The following SORCS1 variants were observed in gnomAD, a reference collection of about 807,000 sequenced individuals.
SORCS1 encodes VPS10 domain-containing receptor SorCS1.
SORCS1 carries 60 observed loss-of-function variants against 146.1 expected under a neutral mutation model. The ratio of observed to expected loss-of-function variants is 0.41; its 90% CI spans 0.33 to 0.51. SORCS1 has a LOEUF of 0.51. SORCS1 is among the 20% of genes least tolerant of loss of function. The pLI is 0.21. For synonymous variants in SORCS1, 637 were observed against 584.0 expected (o/e 1.09, Z -1.31); for missense variants, 1,352 against 1,487.6 (o/e 0.91, Z 1.50).
At chr10:106,951,134 T>C (rs1353160507) in intron 2 of SORCS1, among the ~76,000 whole-genome samples, 3 of 152,166 alleles carry the variant, frequency 2.0e-5, no homozygotes. Context: ...CAATAACTTA[T>C]TCAATACAAT....
chr10:106,992,379 A>G (rs2139497141), intron 1 of SORCS1, among the ~76,000 whole-genome samples: 1 of 152,324 alleles, frequency 6.6e-6, no homozygotes, highest in East Asian at 1.9e-4. Context: ...ACAGAGTAAA[A>G]AAATACCATA....
intron 2 of SORCS1, among the ~76,000 whole-genome samples, chr10:106,893,390 A>AT (rs1189627547): frequency 1.1e-4 from 16 of 152,156 alleles, no homozygotes; most frequent in Non-Finnish European, 1.9e-4. Flanking sequence ...AACTATATTT[A>AT]TTTTTTATTC....
At chr10:106,701,627 T>G (rs574760097) in intron 8 of SORCS1, among the ~76,000 whole-genome samples, 40 of 152,322 alleles carry the variant, frequency 2.6e-4, no homozygotes, top group African/African-American at 9.1e-4. Flanking sequence ...CTGTGACATT[T>G]TTTTGGTCCC....
rs1005485641 is a variant in SORCS1 at position 106,694,421 on chromosome 10, G to A, written c.1413+4793C>T. ...ACTTCACCACACCCAGCTAATTTCT[G>A]TATTTTTAGTAGAGATGGTTTCGCC... On this transcript the variant is annotated intron_variant, in intron 9 of 25. Transcript: ENST00000263054. Among the ~76,000 whole-genome samples the A allele has an allele frequency of 2.0e-4, 30 of 152,100 alleles. 1 individual carries two copies. In the East Asian group the frequency reaches 3.3e-3, roughly 17 times the overall value.
intron 1 of SORCS1, among the ~76,000 whole-genome samples, chr10:107,009,143 T>C (rs1254291135): frequency 6.6e-6 from 1 of 152,274 alleles, no homozygotes; most frequent in Non-Finnish European, 1.5e-5. Context: ...AGGGTCTGAA[T>C]TAGTTTTTCA....
intron 3 of SORCS1, among the ~76,000 whole-genome samples, chr10:106,793,027 G>T (rs1288050273): frequency 6.6e-6 from 1 of 152,008 alleles, no homozygotes; most frequent in Non-Finnish European, 1.5e-5. Flanking sequence ...CCAAGTGACA[G>T]TCCCTGTGCT....
At chr10:107,163,257 T>C (rs1565124403) in intron 1 of SORCS1, among the ~76,000 whole-genome samples, 1 of 152,198 alleles carries the variant, frequency 6.6e-6, no homozygotes. Flanking sequence ...CAGGGAGTTG[T>C]TGTCACTGGG....
rs549758302 is a variant in SORCS1 at position 106,577,561 on chromosome 10, A to C, written c.3372-6T>G. ...GGGAGGGTAAAGCTACTCTCCTAAG[A>C]GAAAACGTGTAACACTTACTCATTT... On this transcript the variant is annotated splice_region_variant and splice_polypyrimidine_tract_variant and intron_variant, in intron 25 of 25. Coordinates refer to ENST00000263054, the MANE Select transcript of SORCS1 (RefSeq NM_052918.5). The C allele has an allele frequency of 1.2e-6, 2 of 1,610,604 alleles. No homozygotes were observed. Among genetic ancestry groups the C allele is most frequent in the South Asian group, 2.2e-5 (2 of 91,026 alleles).
intron 20 of SORCS1, among the ~76,000 whole-genome samples, chr10:106,618,873 A>G (rs1322149683): frequency 6.6e-6 from 1 of 152,156 alleles, no homozygotes; most frequent in Non-Finnish European, 1.5e-5. Flanking sequence ...TAGTGGTTTG[A>G]GGATTCAAAA....
At chr10:106,658,439 G>T (rs1056629400) in intron 17 of SORCS1, among the ~76,000 whole-genome samples, 1 of 152,042 alleles carries the variant, frequency 6.6e-6, no homozygotes, top group African/African-American at 2.4e-5. Flanking sequence ...ACCCCAGGGG[G>T]TGTTACTGTC....
intron 2 of SORCS1, among the ~76,000 whole-genome samples, chr10:106,852,125 A>C (rs900941055): frequency 6.6e-6 from 1 of 152,166 alleles, no homozygotes. Context: ...CTGTCTCTGC[A>C]ACAAAGATAG....
intron 1 of SORCS1, among the ~76,000 whole-genome samples, chr10:107,144,352 G>C (rs1968114795): frequency 6.6e-6 from 1 of 152,196 alleles, no homozygotes; most frequent in African/African-American, 2.4e-5. Context: ...ACATGATAGG[G>C]TTAATAATAC....
chr10:107,110,766 T>C (rs914258442), intron 1 of SORCS1, among the ~76,000 whole-genome samples: 1 of 152,126 alleles, frequency 6.6e-6, no homozygotes, highest in African/African-American at 2.4e-5. Flanking sequence ...CCCAGGTACA[T>C]ATTCAGTGAC....
intron 2 of SORCS1, among the ~76,000 whole-genome samples, chr10:106,876,894 T>C (rs1276868019): frequency 1.3e-5 from 2 of 152,224 alleles, no homozygotes; most frequent in Non-Finnish European, 2.9e-5. Flanking sequence ...CCTTCTCTTC[T>C]GATAACTGAA....
intron 21 of SORCS1, among the ~76,000 whole-genome samples, chr10:106,615,764 C>T (rs1009582297): frequency 3.9e-5 from 6 of 152,118 alleles, no homozygotes; most frequent in Non-Finnish European, 7.3e-5. Flanking sequence ...AATCTCTTAA[C>T]GAAGAGACAT....
chr10:106,868,293 GAGA>G (rs111830622), intron 2 of SORCS1, among the ~76,000 whole-genome samples: 1,723 of 152,186 alleles, frequency 0.011, 40 homozygotes, highest in African/African-American at 0.04. Context: ...ATCATTGAGG[GAGA>G]AAATTAACAA....
intron 1 of SORCS1, among the ~76,000 whole-genome samples, chr10:107,159,161 A>T (rs2134906984): frequency 6.6e-6 from 1 of 152,340 alleles, no homozygotes; most frequent in Non-Finnish European, 1.5e-5. Flanking sequence ...TCCCCTAAAC[A>T]GATATGCATA....
chr10:106,580,861 GA>G (rs1199001680), intron 24 of SORCS1, among the ~76,000 whole-genome samples: 3 of 152,082 alleles, frequency 2.0e-5, no homozygotes, highest in East Asian at 1.9e-4. Flanking sequence ...TTCCTTCTCA[GA>G]AAATAGTCAT....
At position 106,894,709 on chromosome 10, in the gene SORCS1, A is replaced by G. The variant is rs543914811; in HGVS notation, c.626+61804T>C. On this transcript the variant is annotated intron_variant, in intron 2 of 25. Coordinates refer to ENST00000263054, the MANE Select transcript of SORCS1 (RefSeq NM_052918.5). The stretch of plus-strand genomic sequence containing the variant: ...CAAGGTTATACTTAGTTTTAGGTAC[A>G]TGTAGTACCAGAAAAACAGGCTTTC... 6.6e-4 allele frequency among the ~76,000 whole-genome samples: 100 copies of G among 152,364 alleles called. 1 individual carries two copies. Among genetic ancestry groups the G allele is most frequent in the Admixed American group, 2.9e-3 (44 of 15,308 alleles).
Sources: gnomAD v4.1 joint callset for allele counts (sites outside exome capture counted in the v4.1 genomes callset) on GRCh38, gnomAD v4.1.1 for gene constraint, MANE v1.5 for transcripts, NCBI Gene and HGNC (gene_info 2026-07-23, HGNC 2026-07-21) for gene names.